MED16: variants seen among roughly 807,000 people sequenced by gnomAD.
MED16 encodes mediator of RNA polymerase II transcription subunit 16.
A neutral mutation model predicts 84.4 loss-of-function variants in MED16; 81 were observed. The ratio of observed to expected loss-of-function variants is 0.96; its 90% CI spans 0.80 to 1.15. MED16 has a LOEUF of 1.15. Among genes scored for constraint, MED16 ranks in the 50% most tolerant of loss-of-function variants. MED16 has a pLI of 0.00. For synonymous variants in MED16, 897 were observed against 552.2 expected (o/e 1.62, Z -8.76); for missense variants, 1,585 against 1,245.9 (o/e 1.27, Z -4.10).
chr19:881,835 GCC>G lies in MED16; in HGVS notation c.986-123_986-122del, dbSNP rs144353862. 7,088 of 1,198,052 alleles carry G rather than the reference GCC, an allele frequency of 5.9e-3. 251 individuals are homozygous for G. In the East Asian group the frequency reaches 0.1, roughly 18 times the overall value. The allele number at this position is 1,198,052 out of a possible 1,614,324, so 74.2% of individuals were successfully genotyped here. On this transcript the variant is annotated intron_variant, in intron 6 of 15. Coordinates refer to ENST00000325464, the MANE Select transcript of MED16 (RefSeq NM_005481.3). ...CAGGGCCCTTCCCAGGTCTCATGCCGCCCTGCTCCCATGCCCAGAAGACCAGG... is the reference window on the plus strand; with the variant it reads ...CAGGGCCCTTCCCAGGTCTCATGCCGCTGCTCCCATGCCCAGAAGACCAGG...
Position 880,037 on chromosome 19 carries a change from G to C in MED16, c.1253C>G (p.Ala418Gly). 3 of 1,610,910 alleles carry C rather than the reference G, an allele frequency of 1.9e-6. No individual in the cohort carries two copies. In the African/African-American group the frequency reaches 4.0e-5, roughly 21 times the overall value. ...GCCCGCGGTGCGGGGGCGCTTCATG[G>C]CCGGCTCATCCACAGGCCTCGGGGC... Reference protein sequence around the residue: ...SAAPRPVDEPAMKRPRTAGPA... With the variant: ...SAAPRPVDEPGMKRPRTAGPA... The change falls in exon 8 of 16, where the codon GCC becomes GGC. Residue 418 changes from alanine (A) to glycine (G), a missense_variant. Transcript: ENST00000325464.
chr19:883,604 T>A (rs2036464560), intron 6 of MED16, among the ~76,000 whole-genome samples: 1 of 152,010 alleles, frequency 6.6e-6, no homozygotes, highest in African/African-American at 2.4e-5. Flanking sequence ...GAGACGTGGC[T>A]CTCGGGCGGG....
intron 3 of MED16, 75 bp downstream of exon 3, chr19:890,062 G>T: frequency 1.7e-6 from 2 of 1,193,186 alleles, no homozygotes; most frequent in South Asian, 1.4e-5. Context: ...ACTCCAGACT[G>T]ACCGGAGAAA....
At chr19:892,028 C>T (rs1004329036) in intron 1 of MED16, among the ~76,000 whole-genome samples, 4 of 130,778 alleles carry the variant, frequency 3.1e-5, no homozygotes, top group South Asian at 2.6e-4. Context: ...GTGGCCGAGG[C>T]GGGGCTGAGT....
intron 11 of MED16, among the ~76,000 whole-genome samples, chr19:872,754 C>G (rs1340679485): frequency 1.3e-5 from 2 of 151,528 alleles, no homozygotes; most frequent in African/African-American, 2.4e-5. Flanking sequence ...CCGCCCACCC[C>G]AGGCGCAGGG....
At chr19:873,778 C>T (rs866023786) in intron 10 of MED16, among the ~76,000 whole-genome samples, 196 bp from the exon 11 acceptor site, 10 of 152,078 alleles carry the variant, frequency 6.6e-5, no homozygotes, top group African/African-American at 2.4e-4. Context: ...TGCCCCCCCC[C>T]GGGGGCCGCT....
At chr19:873,298 ACTCCAAGTAGGGGCGG>A in intron 11 of MED16, 135 bp downstream of exon 11, 1 of 540,220 alleles carries the variant, frequency 1.9e-6, no homozygotes, top group South Asian at 2.2e-5. Flanking sequence ...CAGGGGCGGG[ACTCCAAGTAGGGGCGG>A]GACTCCAAGT....
chr19:886,276 G>A (rs889418582), intron 4 of MED16, 75 bp from the exon 5 acceptor site: 47 of 1,307,390 alleles, frequency 3.6e-5, no homozygotes, highest in African/African-American at 7.5e-5. Flanking sequence ...AGAAACACGC[G>A]CACAGAAGAA....
intron 13 of MED16, among the ~76,000 whole-genome samples, chr19:869,676 C>A (rs1003736633): frequency 6.6e-6 from 1 of 152,128 alleles, no homozygotes; most frequent in African/African-American, 2.4e-5. Flanking sequence ...GGTGCCTTCC[C>A]TGGAGGTCCT....
intron 6 of MED16, among the ~76,000 whole-genome samples, chr19:884,261 C>T (rs1195151829): frequency 6.6e-6 from 1 of 152,236 alleles, no homozygotes; most frequent in African/African-American, 2.4e-5. Context: ...AGCGGCTGTT[C>T]TGGTCCCCGG....
chr19:887,755 G>C (rs543371471), intron 4 of MED16, among the ~76,000 whole-genome samples: 4 of 152,100 alleles, frequency 2.6e-5, no homozygotes, highest in Non-Finnish European at 5.9e-5. Context: ...CTCAGTAAGA[G>C]ATGCCAGACA....
intron 2 of MED16, 156 bp from the exon 3 acceptor site, chr19:890,400 T>TC (rs1402837431): frequency 3.6e-6 from 2 of 559,468 alleles, no homozygotes; most frequent in African/African-American, 3.8e-5. Flanking sequence ...GAACAGGCTG[T>TC]CCCCCCGCAG....
At chr19:880,498 G>A (rs1480779308) in intron 7 of MED16, among the ~76,000 whole-genome samples, 2 of 152,178 alleles carry the variant, frequency 1.3e-5, no homozygotes, top group Non-Finnish European at 2.9e-5. Context: ...CCAAAGAGAG[G>A]CATCTTAGGG....
In MED16 at chr19:868,507, G is replaced by A. The variant is rs79354198; in HGVS notation, c.2400-8C>T. On this transcript the variant is annotated splice_polypyrimidine_tract_variant and splice_region_variant and intron_variant, in intron 14 of 15. Transcript: ENST00000325464. ...ATGGTGACACAGCCGCACCTGCGGGGAGGCAGGCACTGAGCGGGTTCCCAC... is the reference window on the plus strand; with the variant it reads ...ATGGTGACACAGCCGCACCTGCGGGAAGGCAGGCACTGAGCGGGTTCCCAC... The A allele has an allele frequency of 1.9e-6, 3 of 1,609,204 alleles. No individual in the cohort carries two copies. The highest frequency in any genetic ancestry group is 2.5e-6 in the Non-Finnish European group (3 of 1,179,808).
Position 881,289 on chromosome 19 carries a change from C to A in MED16, c.1141+270G>T, listed in dbSNP as rs562092869. On this transcript the variant is annotated intron_variant, in intron 7 of 15. Transcript: ENST00000325464. Reference sequence around the variant, plus strand: ...CCCAGGAAGGAGTTCCACCAAGTTCCCCAGGCTCCCTTGTTGATTTGCAAT... The same window carrying A: ...CCCAGGAAGGAGTTCCACCAAGTTCACCAGGCTCCCTTGTTGATTTGCAAT... Among the ~76,000 whole-genome samples, 5 of 152,320 alleles carry A rather than the reference C, an allele frequency of 3.3e-5. No individual in the cohort carries two copies. In the East Asian group the frequency reaches 7.7e-4, roughly 24 times the overall value.
chr19:892,697 T>A, intron 1 of MED16: 1 of 85,532 alleles, frequency 1.2e-5, no homozygotes. Context: ...CTCCAGGCCC[T>A]GCCTCTACAG....
At chr19:891,435 C>G (rs1408607808) in intron 1 of MED16, among the ~76,000 whole-genome samples, 3 of 152,188 alleles carry the variant, frequency 2.0e-5, no homozygotes, top group Non-Finnish European at 2.9e-5. Context: ...GGGAACAGAC[C>G]ATGGGGGCCA....
chr19:872,148 G>T, intron 11 of MED16, 30 bp from the exon 12 acceptor site: 1 of 1,568,838 alleles, frequency 6.4e-7, no homozygotes, highest in Middle Eastern at 1.7e-4. Context: ...GTGTGGCTGG[G>T]GCGGCGGGGG....
In MED16 at chr19:884,945, C is replaced by T; in HGVS notation, c.943G>A (p.Gly315Arg). 1 of 1,609,660 alleles carries T rather than the reference C, an allele frequency of 6.2e-7. No individual in the cohort carries two copies. Among genetic ancestry groups the T allele is most frequent in the Non-Finnish European group, 8.5e-7 (1 of 1,179,308 alleles). Residue 315 changes from glycine (G) to arginine (R), a missense_variant, in exon 6 of 16, where the codon GGA (glycine) becomes AGA (arginine). Physicochemically the swap from Gly to Arg is moderately radical, Grantham distance 125. Transcript: ENST00000325464. ...IVECWSLRKE[G>R]LPVNNIFQQI... Reference sequence around the variant, plus strand: ...TGGAAGATGTTGTTCACGGGGAGTCCCTCCTTGCGCAGGGACCAGCACTCC... The same window carrying T: ...TGGAAGATGTTGTTCACGGGGAGTCTCTCCTTGCGCAGGGACCAGCACTCC...
Sources: gnomAD v4.1 joint callset for allele counts (sites outside exome capture counted in the v4.1 genomes callset) on GRCh38, gnomAD v4.1.1 for gene constraint, MANE v1.5 for transcripts, NCBI Gene and HGNC (gene_info 2026-07-23, HGNC 2026-07-21) for gene names.